The following TXNRD1 variants were observed in gnomAD, a reference collection of about 807,000 sequenced individuals.
The protein encoded by TXNRD1 is thioredoxin reductase 1, cytoplasmic.
Under a neutral mutation model 80.3 loss-of-function variants are expected in TXNRD1, and 57 were observed. The observed-to-expected ratio is 0.71, with a 90% CI of 0.57 to 0.89. The LOEUF is 0.89. TXNRD1 is among the 40% of genes least tolerant of loss of function. The pLI is 0.00. For missense variants in TXNRD1, 730 were observed against 803.0 expected (o/e 0.91, Z 1.10); for synonymous variants, 291 against 285.2 (o/e 1.02, Z -0.20).
rs953489379 is a variant in TXNRD1 at position 104,343,770 on chromosome 12, C to T, written c.1881+4497C>T. On this transcript the variant is annotated intron_variant, in intron 16 of 16. Coordinates refer to ENST00000525566, the MANE Select transcript of TXNRD1 (RefSeq NM_001093771.3). ...GAGCCAAGATCACGCCACTGCACTC[C>T]AGCCTGGGCGACAGTGAGACCCTGT... Among the ~76,000 whole-genome samples, 10 of 151,696 alleles carry T rather than the reference C, an allele frequency of 6.6e-5. No homozygotes were observed. The East Asian group carries it at 1.9e-3, about 29-fold the overall frequency.
At chr12:104,329,164 C>T (rs2035868200) in intron 13 of TXNRD1, among the ~76,000 whole-genome samples, 1 of 151,912 alleles carries the variant, frequency 6.6e-6, no homozygotes, top group Non-Finnish European at 1.5e-5. Flanking sequence ...GCAGTTGGTT[C>T]GTATTACTAT....
At chr12:104,242,416 C>T (rs576231291) in intron 1 of TXNRD1, among the ~76,000 whole-genome samples, 5 of 151,884 alleles carry the variant, frequency 3.3e-5, no homozygotes, top group East Asian at 2.0e-4. Context: ...GGCATGGTGG[C>T]GCACGCCTGT....
chr12:104,245,454 T>G, intron 1 of TXNRD1, among the ~76,000 whole-genome samples: 1 of 123,004 alleles, frequency 8.1e-6, no homozygotes. Context: ...GAGGCAGAGG[T>G]TGCGGTGAGC....
At chr12:104,260,510 A>C (rs2033345211) in intron 3 of TXNRD1, among the ~76,000 whole-genome samples, 1 of 152,048 alleles carries the variant, frequency 6.6e-6, no homozygotes, top group South Asian at 2.1e-4. Context: ...ACAACAACAG[A>C]AAACTTCCCT....
intron 13 of TXNRD1, 45 bp downstream of exon 13, chr12:104,327,716 ACTC>A (rs2035812483): frequency 6.3e-7 from 1 of 1,593,598 alleles, no homozygotes; most frequent in Non-Finnish European, 8.6e-7. Flanking sequence ...TGTCAGTAAT[ACTC>A]CCAGTTCCTT....
At chr12:104,334,910 G>A (rs1244652406) in intron 15 of TXNRD1, among the ~76,000 whole-genome samples, 3 of 152,128 alleles carry the variant, frequency 2.0e-5, no homozygotes, top group Non-Finnish European at 4.4e-5. Flanking sequence ...TGTGTTTATA[G>A]AAGAGGAACA....
chr12:104,272,778 T>G, intron 3 of TXNRD1, among the ~76,000 whole-genome samples: 11 of 136,002 alleles, frequency 8.1e-5, no homozygotes, highest in African/African-American at 8.3e-5. Flanking sequence ...GGCAACAGAG[T>G]GAGACTCCAC....
intron 8 of TXNRD1, 106 bp downstream of exon 8, chr12:104,319,161 G>A: frequency 1.5e-6 from 2 of 1,306,326 alleles, no homozygotes; most frequent in Non-Finnish European, 2.1e-6. Flanking sequence ...TAGCCACTGT[G>A]ACCCAGACTA....
At chr12:104,319,394 G>A in intron 8 of TXNRD1, 76 bp from the exon 9 acceptor site, 1 of 905,830 alleles carries the variant, frequency 1.1e-6, no homozygotes, top group Non-Finnish European at 1.7e-6. Context: ...TGTAGTGAAT[G>A]GCCTTTGTTA....
intron 3 of TXNRD1, among the ~76,000 whole-genome samples, chr12:104,284,852 C>T (rs748922503): frequency 1.1e-4 from 16 of 152,026 alleles, no homozygotes; most frequent in African/African-American, 2.2e-4. Flanking sequence ...TCAAGAGATG[C>T]GAAATGTATG....
intron 3 of TXNRD1, among the ~76,000 whole-genome samples, chr12:104,260,433 C>T (rs990218701): frequency 2.6e-5 from 4 of 152,014 alleles, no homozygotes; most frequent in Non-Finnish European, 5.9e-5. Flanking sequence ...CACCATTGCA[C>T]TCCAGCCTGG....
chr12:104,249,507 G>A (rs1334768808), intron 1 of TXNRD1, among the ~76,000 whole-genome samples: 1 of 152,042 alleles, frequency 6.6e-6, no homozygotes, highest in African/African-American at 2.4e-5. Flanking sequence ...CAGTCTCTTG[G>A]TTGTTGACCC....
chr12:104,246,119 C>CA (rs34505052), intron 1 of TXNRD1, among the ~76,000 whole-genome samples: 55,903 of 82,738 alleles, frequency 0.68, 19,687 homozygotes, highest in Non-Finnish European at 0.75. Flanking sequence ...GACTCTGTCT[C>CA]AAAAAAAAAA....
At chr12:104,225,520 G>A (rs907190417) in intron 1 of TXNRD1, among the ~76,000 whole-genome samples, 9 of 152,146 alleles carry the variant, frequency 5.9e-5, no homozygotes, top group African/African-American at 2.2e-4. Flanking sequence ...ACTGAATCAT[G>A]GGGGTGGTTT....
intron 3 of TXNRD1, among the ~76,000 whole-genome samples, chr12:104,264,966 G>T (rs1397357791): frequency 6.6e-6 from 1 of 152,082 alleles, no homozygotes; most frequent in Non-Finnish European, 1.5e-5. Context: ...ATAATAATAG[G>T]TTTTGGGCCA....
At chr12:104,220,586 G>A (rs558974175) in intron 1 of TXNRD1, among the ~76,000 whole-genome samples, 20 of 152,160 alleles carry the variant, frequency 1.3e-4, no homozygotes, top group East Asian at 9.7e-4. Flanking sequence ...TTAGCTGGGC[G>A]TGGTAGCACA....
intron 11 of TXNRD1, 146 bp downstream of exon 11, chr12:104,325,575 T>G: frequency 1.5e-6 from 1 of 660,244 alleles, no homozygotes. Context: ...ACTTATGATA[T>G]TAAAATTTGT....
intron 16 of TXNRD1, among the ~76,000 whole-genome samples, chr12:104,341,668 A>G (rs145238304): frequency 1.7e-3 from 248 of 144,370 alleles, no homozygotes; most frequent in African/African-American, 6.7e-3. Context: ...GAAACAACCA[A>G]TTGTCTAGAA....
chr12:104,318,879 G>A, intron 7 of TXNRD1, 34 bp from the exon 8 acceptor site: 1 of 1,589,464 alleles, frequency 6.3e-7, no homozygotes, highest in Non-Finnish European at 8.6e-7. Context: ...CAGTTGAAAA[G>A]CCAAACAAGA....
Sources: gnomAD v4.1 joint callset for allele counts (sites outside exome capture counted in the v4.1 genomes callset) on GRCh38, gnomAD v4.1.1 for gene constraint, MANE v1.5 for transcripts, NCBI Gene and HGNC (gene_info 2026-07-23, HGNC 2026-07-21) for gene names.